The following JAKMIP2 variants were observed in gnomAD, a reference collection of about 807,000 sequenced individuals.
JAKMIP2 encodes janus kinase and microtubule-interacting protein 2.
JAKMIP2 carries 25 observed loss-of-function variants against 115.0 expected under a neutral mutation model. The ratio of observed to expected loss-of-function variants is 0.22; its 90% CI spans 0.16 to 0.30. The LOEUF (loss-of-function observed/expected upper bound fraction) is 0.30, where lower values mean the gene tolerates loss of function less well. Among genes scored for constraint, JAKMIP2 ranks in the 10% least tolerant of loss-of-function variants. JAKMIP2 has a pLI of 1.00. For synonymous variants in JAKMIP2, 334 were observed against 343.6 expected (o/e 0.97, Z 0.31); for missense variants, 642 against 957.6 (o/e 0.67, Z 4.35).
intron 13 of JAKMIP2, among the ~76,000 whole-genome samples, chr5:147,631,728 T>C (rs1340932057): frequency 1.3e-5 from 2 of 152,222 alleles, no homozygotes; most frequent in Non-Finnish European, 2.9e-5. Context: ...GTGTCATCCA[T>C]TCTTCCAAAT....
intron 1 of JAKMIP2, among the ~76,000 whole-genome samples, chr5:147,748,933 T>C (rs1035814564): frequency 2.0e-5 from 3 of 152,162 alleles, no homozygotes; most frequent in African/African-American, 7.2e-5. Context: ...TTCTCTTTCT[T>C]TTGCCTATTA....
At chr5:147,782,344 C>G in intron 1 of JAKMIP2, 112 bp downstream of exon 1, 4 of 1,065,576 alleles carry the variant, frequency 3.8e-6, no homozygotes, top group Admixed American at 2.0e-5. Flanking sequence ...CACATCTCCC[C>G]CTTCTAGTCT....
intron 1 of JAKMIP2, among the ~76,000 whole-genome samples, chr5:147,758,106 C>T (rs1013071706): frequency 2.2e-4 from 34 of 152,130 alleles, no homozygotes; most frequent in East Asian, 1.9e-4. Context: ...TAGTAACACA[C>T]GGTTTAGTAA....
chr5:147,782,361 C>T lies in JAKMIP2; in HGVS notation c.-149+95G>A, dbSNP rs79410188. The stretch of plus-strand genomic sequence containing the variant: ...CATCTCCCCCTTCTAGTCTGAGGCA[C>T]GGGAGTCATTGTTCAAGTTCAGGCC... On this transcript the variant is annotated intron_variant, in intron 1 of 21. Transcript: ENST00000616793. 1.5e-3 allele frequency: 1,891 copies of T among 1,232,926 alleles called. 17 individuals are homozygous for T. In the African/African-American group the frequency reaches 0.022, roughly 14 times the overall value. 76.4% of individuals were successfully genotyped at this position (1,232,926 alleles called of 1,614,324 possible).
chr5:147,637,807 T>C (rs1757696424), intron 10 of JAKMIP2, among the ~76,000 whole-genome samples: 1 of 152,160 alleles, frequency 6.6e-6, no homozygotes, highest in African/African-American at 2.4e-5. Flanking sequence ...ATTTTGTGTG[T>C]CTGTGTGTGT....
At chr5:147,634,851 C>A (rs1024140700) in intron 12 of JAKMIP2, among the ~76,000 whole-genome samples, 1 of 152,076 alleles carries the variant, frequency 6.6e-6, no homozygotes, top group African/African-American at 2.4e-5. Context: ...TGCTTACCAG[C>A]CAGGATGTTG....
chr5:147,675,782 CATTTT>C (rs145760424), intron 1 of JAKMIP2, among the ~76,000 whole-genome samples: 17,292 of 126,282 alleles, frequency 0.14, 1,334 homozygotes, highest in East Asian at 0.41. Context: ...AATCATATGA[CATTTT>C]TTTTTTTTTT....
At chr5:147,735,489 C>T (rs1428761120) in intron 1 of JAKMIP2, among the ~76,000 whole-genome samples, 1 of 152,112 alleles carries the variant, frequency 6.6e-6, no homozygotes, top group African/African-American at 2.4e-5. Context: ...TGCAGGGCAA[C>T]TCTGGTTTAT....
intron 12 of JAKMIP2, 147 bp downstream of exon 12, chr5:147,636,075 G>A (rs1034294412): frequency 4.0e-5 from 25 of 629,278 alleles, no homozygotes; most frequent in Admixed American, 3.4e-4. Context: ...ACAGGGATGC[G>A]GTTGAGCACG....
intron 1 of JAKMIP2, among the ~76,000 whole-genome samples, chr5:147,734,253 C>A (rs2126977254): frequency 6.6e-6 from 1 of 152,110 alleles, no homozygotes; most frequent in East Asian, 1.9e-4. Context: ...AGTCAGGAAA[C>A]AACAGATGCT....
At chr5:147,692,979 A>T (rs765016620) in intron 1 of JAKMIP2, among the ~76,000 whole-genome samples, 5 of 152,244 alleles carry the variant, frequency 3.3e-5, no homozygotes, top group Non-Finnish European at 7.3e-5. Flanking sequence ...CTTATTATCA[A>T]CCAGCACAAT....
chr5:147,591,510 G>A lies in JAKMIP2; in HGVS notation c.*197C>T. ...TATTGTAGATTTTCAACAGGGTTGT[G>A]TAGGAACTGTCAAGTAAGAAACCTT... is the stretch of plus-strand genomic sequence containing the variant. On this transcript the variant is annotated 3_prime_UTR_variant, in exon 22 of 22. Coordinates refer to ENST00000616793, the MANE Select transcript of JAKMIP2 (RefSeq NM_001270941.2). The A allele has an allele frequency of 1.5e-6, 1 of 686,180 alleles. No homozygotes were observed. Among genetic ancestry groups the A allele is most frequent in the Non-Finnish European group, 2.6e-6 (1 of 383,858 alleles). The allele number at this position is 686,180 out of a possible 1,614,324, so 42.5% of individuals were successfully genotyped here.
At position 147,782,532 on chromosome 5, in the gene JAKMIP2, A is replaced by T; in HGVS notation, c.-225T>A. The T allele has an allele frequency of 1.3e-6, 2 of 1,490,658 alleles. No homozygotes were observed. The highest frequency in any genetic ancestry group is 1.8e-6 in the Non-Finnish European group (2 of 1,105,738). 92.3% of individuals were successfully genotyped at this position (1,490,658 alleles called of 1,614,324 possible). ...TCCATTTTCCTTGTGACCGAGTCGGATGCAGCCTCCGAACCCAACATCAGC... is the reference window on the plus strand; with the variant it reads ...TCCATTTTCCTTGTGACCGAGTCGGTTGCAGCCTCCGAACCCAACATCAGC... On this transcript the variant is annotated 5_prime_UTR_variant, in exon 1 of 22. Transcript: ENST00000616793.
intron 18 of JAKMIP2, 122 bp from the exon 19 acceptor site, chr5:147,618,236 G>T: frequency 1.1e-5 from 8 of 715,402 alleles, no homozygotes; most frequent in Non-Finnish European, 7.1e-6. Context: ...ATCTTAGCAA[G>T]AAAATAATTT....
intron 1 of JAKMIP2, among the ~76,000 whole-genome samples, chr5:147,721,096 G>C (rs557648537): frequency 5.9e-4 from 89 of 152,064 alleles, no homozygotes; most frequent in African/African-American, 1.3e-3. Context: ...AGGTCTGTTG[G>C]AGTACCCTGC....
chr5:147,611,035 C>A (rs1029002339), intron 20 of JAKMIP2, among the ~76,000 whole-genome samples: 4 of 152,164 alleles, frequency 2.6e-5, no homozygotes, highest in Non-Finnish European at 5.9e-5. Flanking sequence ...CCCCTCCCCC[C>A]ACCAAGATCG....
intron 20 of JAKMIP2, among the ~76,000 whole-genome samples, chr5:147,611,256 T>C (rs1265954989): frequency 6.6e-6 from 1 of 152,142 alleles, no homozygotes; most frequent in African/African-American, 2.4e-5. Flanking sequence ...TGCAGCTAGC[T>C]CAGTGTCTGC....
intron 1 of JAKMIP2, among the ~76,000 whole-genome samples, chr5:147,753,493 T>A (rs546925987): frequency 6.6e-6 from 1 of 152,334 alleles, no homozygotes; most frequent in East Asian, 1.9e-4. Flanking sequence ...AAGTGAGCAA[T>A]GGCTCCTCAG....
At chr5:147,715,918 T>C (rs1752963836) in intron 1 of JAKMIP2, among the ~76,000 whole-genome samples, 2 of 148,150 alleles carry the variant, frequency 1.3e-5, no homozygotes, top group African/African-American at 5.0e-5. Flanking sequence ...TATGTATACA[T>C]GTGCCATGCT....
Sources: allele counts gnomAD v4.1 joint callset (sites outside exome capture counted in the v4.1 genomes callset), GRCh38; gene constraint gnomAD v4.1.1; transcripts MANE v1.5; gene names NCBI Gene and HGNC (gene_info 2026-07-23, HGNC 2026-07-21).